The following PDE8A variants were observed in gnomAD, a reference collection of about 807,000 sequenced individuals.
The protein encoded by PDE8A is high affinity cAMP-specific and IBMX-insensitive 3',5'-cyclic phosphodiesterase 8A.
A neutral mutation model predicts 105.0 loss-of-function variants in PDE8A; 59 were observed. The ratio of observed to expected loss-of-function variants is 0.56; its 90% CI spans 0.46 to 0.70. The LOEUF (loss-of-function observed/expected upper bound fraction) is 0.70, where lower values mean the gene tolerates loss of function less well. PDE8A is among the 30% of genes least tolerant of loss of function. PDE8A has a pLI of 0.00. For synonymous variants in PDE8A, 355 were observed against 371.9 expected, an observed-to-expected ratio of 0.95 and a Z score of 0.52; for missense variants, 1,014 against 1,045.9, an observed-to-expected ratio of 0.97 and a Z score of 0.42.
intron 20 of PDE8A, among the ~76,000 whole-genome samples, chr15:85,133,675 C>T (rs1303748420): frequency 6.6e-6 from 1 of 152,166 alleles, no homozygotes; most frequent in Non-Finnish European, 1.5e-5. Flanking sequence ...CCCCATATTA[C>T]TGATGTTACT....
intron 14 of PDE8A, among the ~76,000 whole-genome samples, chr15:85,115,079 C>T (rs1457962451): frequency 6.6e-6 from 1 of 152,094 alleles, no homozygotes; most frequent in Admixed American, 6.5e-5. Flanking sequence ...GGACTGAGGG[C>T]AGAGCACAGT....
At chr15:85,095,772 G>A (rs1335033443) in intron 8 of PDE8A, among the ~76,000 whole-genome samples, 1 of 151,964 alleles carries the variant, frequency 6.6e-6, no homozygotes, top group South Asian at 2.1e-4. Flanking sequence ...TAGATGGACT[G>A]TGGAACTTTG....
chr15:84,984,018 C>T (rs946346714), intron 1 of PDE8A, among the ~76,000 whole-genome samples: 8 of 152,186 alleles, frequency 5.3e-5, no homozygotes, highest in Non-Finnish European at 8.8e-5. Flanking sequence ...TACTTTCATC[C>T]TTAAAGTGCC....
intron 17 of PDE8A, among the ~76,000 whole-genome samples, chr15:85,118,213 C>T (rs1272376214): frequency 2.6e-5 from 4 of 152,140 alleles, no homozygotes; most frequent in Non-Finnish European, 4.4e-5. Context: ...CTGCAGGGCT[C>T]TAAGGTCAGG....
At chr15:85,005,636 A>G (rs2080134053) in intron 1 of PDE8A, among the ~76,000 whole-genome samples, 1 of 152,286 alleles carries the variant, frequency 6.6e-6, no homozygotes, top group South Asian at 2.1e-4. Context: ...AATTTGCACA[A>G]TCAGAATTCA....
chr15:85,012,428 C>G (rs1188077247), intron 1 of PDE8A, among the ~76,000 whole-genome samples: 3 of 151,964 alleles, frequency 2.0e-5, no homozygotes, highest in African/African-American at 7.2e-5. Context: ...AATCATCATT[C>G]TCAGTAAACT....
chr15:85,062,802 G>A (rs1596481738), intron 1 of PDE8A: 1 of 152,270 alleles, frequency 6.6e-6, no homozygotes, highest in Admixed American at 6.5e-5. Context: ...TAAAATAGTT[G>A]CATCAGACAT....
chr15:85,120,810 C>G lies in PDE8A; in HGVS notation c.1748C>G (p.Pro583Arg), dbSNP rs1196720522. The part of the protein sequence containing the change: ...SKERIKETLD[P>R]IDEVAALIAA... ...TCTTGTTTTCAGGAAACTTTAGATC[C>G]AATTGATGAGGTCGCTGCACTCATC... Residue 583 changes from proline (P) to arginine (R), a missense_variant, in exon 18 of 22, where the codon CCA becomes CGA. Pro to Arg is a moderately radical substitution (Grantham distance 103). Coordinates refer to ENST00000394553, the MANE Select transcript of PDE8A (RefSeq NM_002605.3). The G allele has an allele frequency of 3.1e-6, 5 of 1,605,648 alleles. No homozygotes were observed. In the African/African-American group the frequency reaches 6.7e-5, roughly 22 times the overall value.
intron 1 of PDE8A, among the ~76,000 whole-genome samples, chr15:85,003,295 T>A (rs926499245): frequency 6.6e-6 from 1 of 152,218 alleles, no homozygotes. Flanking sequence ...CAGGAAACAA[T>A]GTCCATCAGT....
chr15:85,077,459 A>C (rs1020580380), intron 5 of PDE8A, among the ~76,000 whole-genome samples: 1 of 152,254 alleles, frequency 6.6e-6, no homozygotes, highest in Non-Finnish European at 1.5e-5. Flanking sequence ...ATCTCAAGCC[A>C]TGAATTTAGT....
intron 11 of PDE8A, among the ~76,000 whole-genome samples, chr15:85,103,542 A>G (rs1275710609): frequency 6.6e-6 from 1 of 152,228 alleles, no homozygotes; most frequent in African/African-American, 2.4e-5. Flanking sequence ...GGGCCAGCCA[A>G]AGTCCTTGGT....
Position 85,020,460 on chromosome 15 carries a change from C to T in PDE8A, c.186+38112C>T, listed in dbSNP as rs564127435. ...CTCTACTAAAAATACAAAAGTTAGC[C>T]GGGCATGGTGGCGCGTGCCTGTAAT... On this transcript the variant is annotated intron_variant, in intron 1 of 21. Coordinates refer to ENST00000394553, the MANE Select transcript of PDE8A (RefSeq NM_002605.3). Among the ~76,000 whole-genome samples, 5 of 152,228 alleles carry T rather than the reference C, an allele frequency of 3.3e-5. No individual in the cohort carries two copies. In the East Asian group the frequency reaches 5.8e-4, roughly 18 times the overall value.
chr15:85,083,200 A>C (rs1328433060), intron 5 of PDE8A, among the ~76,000 whole-genome samples: 1 of 152,246 alleles, frequency 6.6e-6, no homozygotes, highest in Non-Finnish European at 1.5e-5. Context: ...AGCCTAATAT[A>C]AGTAGGACTT....
chr15:85,083,548 G>A lies in PDE8A; in HGVS notation c.547-8G>A, dbSNP rs1483021472. The A allele has an allele frequency of 1.9e-6, 3 of 1,581,578 alleles. No homozygotes were observed. The highest frequency in any genetic ancestry group is 2.2e-5 in the East Asian group (1 of 44,644). On this transcript the variant is annotated splice_polypyrimidine_tract_variant and splice_region_variant and intron_variant, in intron 5 of 21. Transcript: ENST00000394553. The stretch of plus-strand genomic sequence containing the variant: ...GTTTATCCACAAAATTCCTCTTTCT[G>A]TTTGTAGAGGTATGTAGAAAACCCC...
chr15:85,078,926 T>C (rs2081422174), intron 5 of PDE8A, among the ~76,000 whole-genome samples: 2 of 152,320 alleles, frequency 1.3e-5, no homozygotes, highest in African/African-American at 4.8e-5. Flanking sequence ...TTTGGGGATA[T>C]ACATAAAATT....
chr15:85,120,734 A>G (rs1000576237), intron 17 of PDE8A, 63 bp from the exon 18 acceptor site: 9 of 1,008,190 alleles, frequency 8.9e-6, no homozygotes, highest in Non-Finnish European at 1.3e-5. Context: ...AAAGAAAACT[A>G]TACAGAAGGC....
intron 17 of PDE8A, 23 bp from the exon 18 acceptor site, chr15:85,120,774 T>C (rs1227359339): frequency 6.5e-7 from 1 of 1,539,006 alleles, no homozygotes. Flanking sequence ...TACCCCAGTT[T>C]TTAAAAGCTC....
At chr15:85,055,225 C>T (rs1341069754) in intron 1 of PDE8A, among the ~76,000 whole-genome samples, 4 of 152,168 alleles carry the variant, frequency 2.6e-5, no homozygotes, top group African/African-American at 4.8e-5. Flanking sequence ...GAGTGCTTTA[C>T]TTCCAACTGT....
intron 3 of PDE8A, among the ~76,000 whole-genome samples, chr15:85,068,481 T>G (rs7402932): frequency 2.0e-5 from 3 of 152,048 alleles, no homozygotes; most frequent in African/African-American, 7.2e-5. Flanking sequence ...CCTGGATAGC[T>G]GCTTGTCTCT....
Sources: allele counts gnomAD v4.1 joint callset (sites outside exome capture counted in the v4.1 genomes callset), GRCh38; gene constraint gnomAD v4.1.1; transcripts MANE v1.5; gene names NCBI Gene and HGNC (gene_info 2026-07-23, HGNC 2026-07-21).